The following PPARGC1A variants were observed in gnomAD, a reference collection of about 807,000 sequenced individuals.
PPARGC1A encodes peroxisome proliferator-activated receptor gamma coactivator 1-alpha.
PPARGC1A carries 25 observed loss-of-function variants against 88.7 expected under a neutral mutation model. That is an observed-to-expected ratio of 0.28 (90% CI 0.21 to 0.39). PPARGC1A has a LOEUF of 0.39. Ranked by LOEUF, PPARGC1A falls within the 10% of genes least tolerant of loss-of-function variation. The probability of loss-of-function intolerance (pLI) is 1.00; values close to 1 mark genes in which losing one functional copy is unlikely to be tolerated. For missense variants in PPARGC1A, 880 were observed against 968.7 expected (o/e 0.91, Z 1.22); for synonymous variants, 363 against 355.6 (o/e 1.02, Z -0.24).
At chr4:24,242,491 G>T in the PPARGC1A span, among the ~76,000 whole-genome samples, 5 of 152,110 alleles carry the variant, frequency 3.3e-5, no homozygotes, top group Non-Finnish European at 7.3e-5. Flanking sequence ...TACTTCATAA[G>T]GACTCAGATG....
At chr4:24,156,939 A>C in the PPARGC1A span, among the ~76,000 whole-genome samples, 3 of 152,006 alleles carry the variant, frequency 2.0e-5, no homozygotes, top group African/African-American at 7.3e-5. Flanking sequence ...TGACCAAAAT[A>C]CCTTTTTACT....
chr4:24,462,687 T>C, the PPARGC1A span, among the ~76,000 whole-genome samples: 6 of 151,176 alleles, frequency 4.0e-5, no homozygotes, highest in East Asian at 5.8e-4. Flanking sequence ...AATGTTACAG[T>C]AAGTGGTCTG....
chr4:24,290,822 G>T, the PPARGC1A span, among the ~76,000 whole-genome samples: 39 of 152,124 alleles, frequency 2.6e-4, no homozygotes, highest in Admixed American at 2.6e-3. Context: ...ATTTGGTTTT[G>T]ATTTTGAAAT....
the PPARGC1A span, among the ~76,000 whole-genome samples, chr4:24,251,137 C>T: frequency 6.6e-6 from 1 of 152,176 alleles, no homozygotes; most frequent in African/African-American, 2.4e-5. Flanking sequence ...CTTCCTAGTA[C>T]ACACTAATTA....
chr4:23,879,459 G>A (rs528635476), intron 2 of PPARGC1A, among the ~76,000 whole-genome samples: 1 of 152,306 alleles, frequency 6.6e-6, no homozygotes, highest in East Asian at 1.9e-4. Flanking sequence ...GCTCCTAAAG[G>A]TGAGCAGAAA....
chr4:24,456,775 T>C, the PPARGC1A span, among the ~76,000 whole-genome samples: 2 of 151,840 alleles, frequency 1.3e-5, no homozygotes, highest in Admixed American at 1.3e-4. Flanking sequence ...GCAGAGAGGC[T>C]ATGAGGGTAT....
the PPARGC1A span, among the ~76,000 whole-genome samples, chr4:24,108,778 C>T: frequency 6.6e-6 from 1 of 151,956 alleles, no homozygotes; most frequent in Non-Finnish European, 1.5e-5. Flanking sequence ...TCCATGAGTT[C>T]CCAAGGTTCA....
chr4:23,914,969 C>G, the PPARGC1A span, among the ~76,000 whole-genome samples: 1 of 152,112 alleles, frequency 6.6e-6, no homozygotes, highest in Non-Finnish European at 1.5e-5. Flanking sequence ...TTATAAATAA[C>G]AATAATTTTA....
chr4:23,852,859 C>T lies in PPARGC1A; in HGVS notation c.235-21108G>A, dbSNP rs60132501. On this transcript the variant is annotated intron_variant, in intron 2 of 12. Coordinates refer to ENST00000264867, the MANE Select transcript of PPARGC1A (RefSeq NM_013261.5). The stretch of plus-strand genomic sequence containing the variant: ...GACACATGACCCAGACAGGCATATG[C>T]ATGTGTGCGTGTTTGCACATGTATT... Among the ~76,000 whole-genome samples, 1,056 of 152,218 alleles carry T rather than the reference C, an allele frequency of 6.9e-3. 4 individuals are homozygous for T. Among genetic ancestry groups the T allele is most frequent in the Non-Finnish European group, 0.012 (820 of 68,020 alleles).
At chr4:24,341,845 G>C in the PPARGC1A span, among the ~76,000 whole-genome samples, 4 of 152,134 alleles carry the variant, frequency 2.6e-5, no homozygotes, top group Non-Finnish European at 5.9e-5. Flanking sequence ...GCTCACAGAA[G>C]GTGCTCACTA....
the PPARGC1A span, among the ~76,000 whole-genome samples, chr4:24,259,925 T>A: frequency 3.9e-5 from 6 of 152,220 alleles, no homozygotes; most frequent in Non-Finnish European, 7.3e-5. Context: ...CCTGTTGTTA[T>A]CATTTTCTGT....
the PPARGC1A span, among the ~76,000 whole-genome samples, chr4:24,298,784 G>T: frequency 3.3e-5 from 5 of 152,110 alleles, no homozygotes; most frequent in African/African-American, 1.2e-4. Flanking sequence ...AGAAACAGAT[G>T]TCTAAGAAGC....
At chr4:23,950,655 G>GGAT in the PPARGC1A span, among the ~76,000 whole-genome samples, 1 of 152,090 alleles carries the variant, frequency 6.6e-6, no homozygotes, top group Non-Finnish European at 1.5e-5. Context: ...CCTCAAGAGT[G>GGAT]GATGTAAGGA....
chr4:23,889,306 T>C (rs2148851077), intron 1 of PPARGC1A: 1 of 985,372 alleles, frequency 1.0e-6, no homozygotes, highest in South Asian at 4.7e-5. Context: ...TTTTATTCGC[T>C]GGCCAAATCT....
the PPARGC1A span, among the ~76,000 whole-genome samples, chr4:24,004,745 T>C: frequency 6.6e-6 from 1 of 152,162 alleles, no homozygotes; most frequent in Admixed American, 6.5e-5. Flanking sequence ...ATTGGAGTTC[T>C]TGGGTTCAAA....
chr4:23,925,289 G>A, the PPARGC1A span, among the ~76,000 whole-genome samples: 1 of 152,120 alleles, frequency 6.6e-6, no homozygotes, highest in South Asian at 2.1e-4. Flanking sequence ...ATGAATAGGT[G>A]AATAAATCTG....
chr4:24,295,945 G>A, the PPARGC1A span, among the ~76,000 whole-genome samples: 1 of 150,198 alleles, frequency 6.7e-6, no homozygotes, highest in African/African-American at 2.4e-5. Flanking sequence ...TGAGATGCCG[G>A]TATTATTTAT....
chr4:24,100,360 A>T, the PPARGC1A span, among the ~76,000 whole-genome samples: 11 of 152,164 alleles, frequency 7.2e-5, no homozygotes, highest in South Asian at 6.2e-4. Flanking sequence ...CCCTACCAAG[A>T]AACTGCTTGT....
At chr4:24,084,592 T>A in the PPARGC1A span, among the ~76,000 whole-genome samples, 1 of 152,192 alleles carries the variant, frequency 6.6e-6, no homozygotes, top group South Asian at 2.1e-4. Flanking sequence ...CTACATTAGG[T>A]TATCTGTCTT....
Sources: gnomAD v4.1 joint callset for allele counts (sites outside exome capture counted in the v4.1 genomes callset) on GRCh38, gnomAD v4.1.1 for gene constraint, MANE v1.5 for transcripts, NCBI Gene and HGNC (gene_info 2026-07-23, HGNC 2026-07-21) for gene names.